Variants in DSCAML1 observed in about 807,000 individuals in gnomAD.
The protein encoded by DSCAML1 is DS cell adhesion molecule like 1, also known as cell adhesion molecule DSCAML1.
Under a neutral mutation model 200.5 loss-of-function variants are expected in DSCAML1, and 38 were observed. The ratio of observed to expected loss-of-function variants is 0.19; its 90% confidence interval spans 0.15 to 0.25. The LOEUF is 0.25. Ranked by LOEUF, DSCAML1 falls within the 10% of genes least tolerant of loss-of-function variation. DSCAML1 has a pLI of 1.00. For missense variants in DSCAML1, 2,223 were observed against 2,858.8 expected, an observed-to-expected ratio of 0.78 and a Z score of 5.07; for synonymous variants, 1,215 against 1,165.0, an observed-to-expected ratio of 1.04 and a Z score of -0.87.
intron 3 of DSCAML1, among the ~76,000 whole-genome samples, chr11:117,645,285 C>T (rs1440547318): frequency 6.6e-6 from 1 of 152,124 alleles, no homozygotes; most frequent in African/African-American, 2.4e-5. Context: ...GGGTCTCCCA[C>T]CCCAGCTTCT....
chr11:117,712,697 C>T (rs1001995691), intron 3 of DSCAML1, among the ~76,000 whole-genome samples: 6 of 152,122 alleles, frequency 3.9e-5, no homozygotes, highest in Non-Finnish European at 5.9e-5. Flanking sequence ...TGAGAATGAG[C>T]GGCTGCAACC....
At chr11:117,459,011 C>T (rs2137141039) in intron 18 of DSCAML1, 102 bp from the exon 19 acceptor site, 1 of 1,429,480 alleles carries the variant, frequency 7.0e-7, no homozygotes, top group Admixed American at 2.0e-5. Context: ...TGCACAGGCT[C>T]AGCCCTCGAC....
Position 117,503,955 on chromosome 11 carries a change from C to T in DSCAML1, c.2249G>A (p.Ser750Asn). 1.9e-6 allele frequency: 3 copies of T among 1,614,156 alleles called. No homozygotes were observed. The highest frequency in any genetic ancestry group is 2.5e-6 in the Non-Finnish European group (3 of 1,180,024). The change falls in exon 11 of 33, where the codon AGC (serine) becomes AAC (asparagine). Residue 750 changes from serine (S) to asparagine (N), a missense_variant. Transcript: ENST00000651296. The surrounding 1 kb of genome is among the most constrained non-coding windows in gnomAD (Gnocchi z 5.2). ...TAGGACGTGGCGGATCAGCAGCGAG[C>T]TGTTGGGCAGGATCTGGATGCGGCC... is the stretch of plus-strand genomic sequence containing the variant. ...LTGRIQILPN[S>N]SLLIRHVLEE...
intron 3 of DSCAML1, among the ~76,000 whole-genome samples, chr11:117,750,444 GA>G (rs1304271901): frequency 1.3e-5 from 2 of 152,184 alleles, no homozygotes; most frequent in African/African-American, 4.8e-5. Flanking sequence ...AAGGGACCTG[GA>G]GAACCCATCA....
intron 3 of DSCAML1, among the ~76,000 whole-genome samples, chr11:117,660,106 C>A (rs542314964): frequency 1.3e-5 from 2 of 152,210 alleles, no homozygotes; most frequent in Non-Finnish European, 2.9e-5. Flanking sequence ...TCCTCTCTCT[C>A]CTGTCTCTTC....
intron 1 of DSCAML1, among the ~76,000 whole-genome samples, chr11:117,788,060 C>T (rs1370258626): frequency 6.6e-6 from 1 of 152,130 alleles, no homozygotes; most frequent in Non-Finnish European, 1.5e-5. Flanking sequence ...CACTAAAAAC[C>T]CTTTATGTTG....
chr11:117,795,967 C>T (rs2055565591), intron 1 of DSCAML1, among the ~76,000 whole-genome samples: 1 of 152,222 alleles, frequency 6.6e-6, no homozygotes, highest in Admixed American at 6.5e-5. Flanking sequence ...ACAGGTGACG[C>T]TGAGCTTGTT....
At chr11:117,442,098 ATGT>A (rs140448153) in intron 21 of DSCAML1, among the ~76,000 whole-genome samples, 21,833 of 151,012 alleles carry the variant, frequency 0.14, 1,821 homozygotes, top group South Asian at 0.33. Flanking sequence ...ATGTGAGTGC[ATGT>A]TGTGTATGTG....
At chr11:117,675,228 G>A (rs1220287570) in intron 3 of DSCAML1, among the ~76,000 whole-genome samples, 1 of 152,146 alleles carries the variant, frequency 6.6e-6, no homozygotes, top group African/African-American at 2.4e-5. Flanking sequence ...TTAATGTGTT[G>A]TTTTAAACAC....
chr11:117,577,244 T>A (rs1261136320), intron 3 of DSCAML1, among the ~76,000 whole-genome samples: 2 of 152,034 alleles, frequency 1.3e-5, no homozygotes, highest in Non-Finnish European at 2.9e-5. Flanking sequence ...CTGGAACATA[T>A]CTTAGAAAGT....
At chr11:117,511,936 C>T (rs954807145) in intron 8 of DSCAML1, among the ~76,000 whole-genome samples, 3 of 152,272 alleles carry the variant, frequency 2.0e-5, no homozygotes, top group Non-Finnish European at 4.4e-5. Context: ...GGTCTCTGCA[C>T]ACATGTGCAG....
chr11:117,549,910 G>A (rs2050439797), intron 3 of DSCAML1, among the ~76,000 whole-genome samples: 1 of 152,192 alleles, frequency 6.6e-6, no homozygotes, highest in South Asian at 2.1e-4. Context: ...AATGTTCCAA[G>A]TCCCATCAAC....
chr11:117,779,184 A>G (rs1462912611), intron 2 of DSCAML1, among the ~76,000 whole-genome samples: 2 of 152,162 alleles, frequency 1.3e-5, no homozygotes, highest in Non-Finnish European at 2.9e-5. Flanking sequence ...GCCTGGCACC[A>G]TTGCAGTGGG....
chr11:117,815,036 C>CG (rs1167178194), intron 1 of DSCAML1, among the ~76,000 whole-genome samples: 4 of 152,318 alleles, frequency 2.6e-5, no homozygotes, highest in South Asian at 2.1e-4. Flanking sequence ...GCTCCTGGCT[C>CG]GGGGCCAAGC....
chr11:117,437,414 C>T lies in DSCAML1; in HGVS notation c.4433-5G>A. ...GGTCTTTGCTGAAGGAGGGCTCTGGCAGGCCGGAGGGAGAGAGAGAGGTTA... is the reference window on the plus strand; with the variant it reads ...GGTCTTTGCTGAAGGAGGGCTCTGGTAGGCCGGAGGGAGAGAGAGAGGTTA... On this transcript the variant is annotated splice_polypyrimidine_tract_variant and splice_region_variant and intron_variant, in intron 25 of 32. Transcript: ENST00000651296. This position sits in a 1 kb window ranked among gnomAD's most constrained non-coding sequence, Gnocchi z 5.3. 1 of 1,609,714 alleles carries T rather than the reference C, an allele frequency of 6.2e-7. No individual in the cohort carries two copies. The highest frequency in any genetic ancestry group is 1.1e-5 in the South Asian group (1 of 90,810).
chr11:117,697,147 ACAGCATTGAGT>A, intron 3 of DSCAML1, among the ~76,000 whole-genome samples: 1 of 152,328 alleles, frequency 6.6e-6, no homozygotes, highest in East Asian at 1.9e-4. Context: ...CCAACATCAC[ACAGCATTGAGT>A]CAGCAGCACT....
intron 3 of DSCAML1, among the ~76,000 whole-genome samples, chr11:117,681,912 G>A (rs554778159): frequency 1.2e-4 from 19 of 152,226 alleles, no homozygotes; most frequent in African/African-American, 4.3e-4. Context: ...CTCCTAACTG[G>A]TTGCCCTGTC....
chr11:117,691,878 G>A (rs577967103), intron 3 of DSCAML1, among the ~76,000 whole-genome samples: 8 of 152,186 alleles, frequency 5.3e-5, no homozygotes, highest in African/African-American at 1.9e-4. Flanking sequence ...CCCGAGGGTG[G>A]GTGGGGCTGC....
At chr11:117,545,651 G>A (rs906563472) in intron 3 of DSCAML1, among the ~76,000 whole-genome samples, 40 of 152,262 alleles carry the variant, frequency 2.6e-4, no homozygotes, top group South Asian at 4.2e-4. Context: ...AGAATGTGAT[G>A]GGGAAGAAAG....
Sources: gnomAD v4.1 joint callset for allele counts (sites outside exome capture counted in the v4.1 genomes callset) on GRCh38, gnomAD v4.1.1 for gene constraint, Gnocchi (gnomAD v3.1) non-coding constraint, MANE v1.5 for transcripts, NCBI Gene and HGNC (gene_info 2026-07-23, HGNC 2026-07-21) for gene names.